SRP19: variants seen among roughly 807,000 people sequenced by gnomAD.
SRP19 encodes signal recognition particle 19, also known as signal recognition particle 19 kDa protein.
SRP19 carries 11 observed loss-of-function variants against 22.4 expected under a neutral mutation model. The observed-to-expected ratio is 0.49, with a 90% CI of 0.31 to 0.81. SRP19 has a LOEUF of 0.81. Ranked by LOEUF, SRP19 falls within the 40% of genes least tolerant of loss-of-function variation. SRP19 has a pLI of 0.05. For missense variants in SRP19, 168 were observed against 175.9 expected (o/e 0.96, Z 0.25); for synonymous variants, 61 against 57.6 (o/e 1.06, Z -0.27).
At chr5:112,892,462 GTA>G (rs775496636) in exon 5 of SRP19, 2 of 1,614,160 alleles carry the variant, frequency 1.2e-6, no homozygotes, top group East Asian at 4.5e-5. Context: ...GAGGGGCAAT[GTA>G]TATGTTCAGT....
chr5:112,887,118 G>A (rs1768277353), intron 4 of SRP19: 1 of 1,613,434 alleles, frequency 6.2e-7, no homozygotes, highest in Non-Finnish European at 8.5e-7. Flanking sequence ...GACGGATGAT[G>A]CGCTTGTAGA....
At chr5:112,877,359 A>G (rs1014257890) in intron 4 of SRP19, 1 of 152,204 alleles carries the variant, frequency 6.6e-6, no homozygotes, top group African/African-American at 2.4e-5. Flanking sequence ...GTTTAGTTAT[A>G]CACTTGTTTT....
chr5:112,893,093 TTA>T, downstream of SRP19: 1 of 700,000 alleles, frequency 1.4e-6, no homozygotes, highest in East Asian at 3.9e-5. Context: ...AGTTTTGTTC[TTA>T]AAAAAAAAAA....
At chr5:112,893,939 G>C (rs1225375368), downstream of SRP19, 2 of 152,104 alleles carry the variant, frequency 1.3e-5, no homozygotes, top group Non-Finnish European at 2.9e-5. Context: ...TCAGAACCTT[G>C]GTTTTTTTGA....
intron 4 of SRP19, chr5:112,878,846 G>T: frequency 6.2e-6 from 10 of 1,613,988 alleles, no homozygotes; most frequent in Non-Finnish European, 8.5e-6. Flanking sequence ...CTGTTTGTTT[G>T]TTAGGAGGGA....
rs1767708170 is a variant in SRP19 at position 112,869,506 on chromosome 5, A to C, written c.*1969A>C. ...TCCTTATCCTTGGGGAATACATTCC[A>C]AGAGTGGATCCCTGAAACAGCAGAT... is the stretch of plus-strand genomic sequence containing the variant. On this transcript the variant is annotated 3_prime_UTR_variant, in exon 5 of 5. Coordinates refer to ENST00000505459, the MANE Select transcript of SRP19 (RefSeq NM_003135.3). 1 of 152,356 alleles carries C rather than the reference A, an allele frequency of 6.6e-6. No homozygotes were observed. 9.4% of individuals were successfully genotyped at this position (152,356 alleles called of 1,614,324 possible). A position where few individuals can be genotyped will look rare whatever the true frequency, so the allele number is the denominator to read the frequency against.
intron 4 of SRP19, among the ~76,000 whole-genome samples, chr5:112,865,795 T>C (rs1250614716): frequency 6.6e-6 from 1 of 152,242 alleles, no homozygotes; most frequent in Non-Finnish European, 1.5e-5. Flanking sequence ...GGTTTCGCCA[T>C]GTTGGCCAGA....
At chr5:112,866,090 G>A (rs941629375) in intron 4 of SRP19, among the ~76,000 whole-genome samples, 4 of 151,150 alleles carry the variant, frequency 2.6e-5, no homozygotes, top group Non-Finnish European at 5.9e-5. Flanking sequence ...GCAGTGGCAC[G>A]ATTATGGCAC....
intron 4 of SRP19, among the ~76,000 whole-genome samples, chr5:112,866,408 G>A (rs903555169): frequency 5.9e-5 from 9 of 152,172 alleles, no homozygotes; most frequent in African/African-American, 1.2e-4. Flanking sequence ...GAGCCACTGC[G>A]CCCAGCCAAC....
rs1338567001 is a variant in SRP19, at chr5:112,861,329, T to C, written c.-48T>C. The C allele has an allele frequency of 6.2e-7, 1 of 1,612,354 alleles. No homozygotes were observed. The highest frequency in any genetic ancestry group is 1.1e-5 in the South Asian group (1 of 90,902). On this transcript the variant is annotated 5_prime_UTR_variant, in exon 1 of 5. Transcript: ENST00000505459. ...CAGAGCCGGGTTCCTCCCGGGTTTC[T>C]GCCGGGTTTCTCCCTGCGGCTCCTG...
chr5:112,864,455 A>G lies in SRP19; in HGVS notation c.118-2A>G, dbSNP rs1225303143. 1 of 1,612,636 alleles carries G rather than the reference A, an allele frequency of 6.2e-7. No homozygotes were observed. The highest frequency in any genetic ancestry group is 1.1e-5 in the South Asian group (1 of 91,018). ...TTAGTGTTTATGTTTTTAACTGTTC[A>G]GGCTGTTGAAAATCCTACAGCTACA... On this transcript the variant is annotated splice_acceptor_variant, in intron 2 of 4. Transcript: ENST00000505459. LOFTEE classifies it high-confidence loss of function.
exon 5 of SRP19, chr5:112,892,451 T>G: frequency 6.2e-7 from 1 of 1,614,148 alleles, no homozygotes; most frequent in Non-Finnish European, 8.5e-7. Context: ...GAACCTCACC[T>G]GAGGGGCAAT....
At chr5:112,889,934 C>T (rs552182404) in intron 4 of SRP19, among the ~76,000 whole-genome samples, 4 of 149,744 alleles carry the variant, frequency 2.7e-5, no homozygotes, top group Admixed American at 1.3e-4. Flanking sequence ...TCAAGCGATT[C>T]TCCTGTCTCA....
intron 4 of SRP19, among the ~76,000 whole-genome samples, chr5:112,884,781 C>G (rs893072818): frequency 2.0e-5 from 1 of 50,376 alleles, no homozygotes; most frequent in Non-Finnish European, 3.3e-5. Context: ...AGTCCTTGGC[C>G]CCCCCCCATC....
intron 4 of SRP19, among the ~76,000 whole-genome samples, chr5:112,884,859 C>T (rs864682): frequency 0.39 from 58,745 of 151,062 alleles, 12,269 homozygotes; most frequent in African/African-American, 0.56. Context: ...AATTTTACTG[C>T]CTATCTCTCA....
downstream of SRP19, among the ~76,000 whole-genome samples, chr5:112,874,474 A>G (rs1346010433): frequency 6.6e-6 from 1 of 152,208 alleles, no homozygotes; most frequent in African/African-American, 2.4e-5. Context: ...ATGGTAGACT[A>G]ATTAAATCAG....
intron 1 of SRP19, among the ~76,000 whole-genome samples, chr5:112,861,869 T>C (rs1767410850): frequency 6.6e-6 from 1 of 152,152 alleles, no homozygotes; most frequent in Non-Finnish European, 1.5e-5. Context: ...ACCCAAGTCG[T>C]TTTGTTTCTA....
At chr5:112,879,583 C>T (rs1049711360) in intron 4 of SRP19, among the ~76,000 whole-genome samples, 1 of 152,158 alleles carries the variant, frequency 6.6e-6, no homozygotes, top group Non-Finnish European at 1.5e-5. Context: ...ATGCCATTCT[C>T]CTGCCTCAGC....
intron 1 of SRP19, among the ~76,000 whole-genome samples, chr5:112,861,663 G>A (rs533900282): frequency 9.9e-5 from 15 of 152,234 alleles, no homozygotes; most frequent in Non-Finnish European, 2.2e-4. Flanking sequence ...GCGAGACAAG[G>A]ATTTTGGGTG....
Sources: gnomAD v4.1 joint callset for allele counts (sites outside exome capture counted in the v4.1 genomes callset) on GRCh38, gnomAD v4.1.1 for gene constraint, MANE v1.5 for transcripts, NCBI Gene and HGNC (gene_info 2026-07-23, HGNC 2026-07-21) for gene names.